The following SCAND3 variants were observed in gnomAD, a reference collection of about 807,000 sequenced individuals.
SCAND3 encodes SCAN domain containing 3.
At chr6:28,571,450 G>A in the SCAND3 span, 1 of 155,248 alleles carries the variant, frequency 6.4e-6, no homozygotes, top group African/African-American at 2.4e-5. Flanking sequence ...TAACCACTCT[G>A]GATCAGTTTA....
At chr6:28,575,985 A>G in the SCAND3 span, 9 of 1,613,616 alleles carry the variant, frequency 5.6e-6, no homozygotes, top group East Asian at 2.2e-5. This position sits in a 1 kb window ranked among gnomAD's most constrained non-coding sequence, Gnocchi z 4.2. Flanking sequence ...ATATCTTAGT[A>G]TTATTACTTT....
the SCAND3 span, chr6:28,587,512 G>A: frequency 1.3e-5 from 2 of 152,190 alleles, no homozygotes; most frequent in African/African-American, 4.8e-5. Flanking sequence ...GAGTAGTGCT[G>A]GAGTAGATGC....
the SCAND3 span, among the ~76,000 whole-genome samples, chr6:28,594,829 A>G: frequency 6.6e-6 from 1 of 152,124 alleles, no homozygotes; most frequent in Admixed American, 6.6e-5. Context: ...CTAAAAAAAA[A>G]GTTGAACTCG....
the SCAND3 span, among the ~76,000 whole-genome samples, chr6:28,607,141 A>G: frequency 6.6e-6 from 1 of 152,216 alleles, no homozygotes; most frequent in Admixed American, 6.5e-5. Context: ...AATGCAAAGC[A>G]ACCTGTCTGT....
chr6:28,601,200 C>T, the SCAND3 span, among the ~76,000 whole-genome samples: 3 of 152,096 alleles, frequency 2.0e-5, no homozygotes, highest in Admixed American at 6.5e-5. Flanking sequence ...CCACGGCGCC[C>T]GGCCACATGT....
chr6:28,608,259 C>T, the SCAND3 span, among the ~76,000 whole-genome samples: 103 of 152,314 alleles, frequency 6.8e-4, 1 homozygote, highest in African/African-American at 2.3e-3. Context: ...TCGCCCTGAA[C>T]ATCTGCTTCT....
chr6:28,582,139 A>T, the SCAND3 span, among the ~76,000 whole-genome samples: 2 of 152,240 alleles, frequency 1.3e-5, no homozygotes, highest in African/African-American at 4.8e-5. This position sits in a 1 kb window ranked among gnomAD's most constrained non-coding sequence, Gnocchi z 4.8. Context: ...TAGAAGGGGA[A>T]ATTTTAAAGC....
the SCAND3 span, chr6:28,570,794 T>C: frequency 6.6e-6 from 1 of 152,242 alleles, no homozygotes; most frequent in Non-Finnish European, 1.5e-5. Flanking sequence ...TTTATCGGAC[T>C]AATTTGCTTT....
At chr6:28,610,838 T>C in the SCAND3 span, among the ~76,000 whole-genome samples, 1 of 152,186 alleles carries the variant, frequency 6.6e-6, no homozygotes, top group Non-Finnish European at 1.5e-5. Context: ...CTTGCTTTTT[T>C]TGGGACAAAA....
chr6:28,580,688 G>A, the SCAND3 span, among the ~76,000 whole-genome samples: 1 of 152,160 alleles, frequency 6.6e-6, no homozygotes, highest in Non-Finnish European at 1.5e-5. Flanking sequence ...ATTAAACAAT[G>A]TATCAATTCT....
chr6:28,605,362 T>G, the SCAND3 span, among the ~76,000 whole-genome samples: 1 of 152,256 alleles, frequency 6.6e-6, no homozygotes, highest in African/African-American at 2.4e-5. Flanking sequence ...TCACAAAAAG[T>G]GTACTATCCA....
At chr6:28,610,039 C>T in the SCAND3 span, among the ~76,000 whole-genome samples, 1 of 151,742 alleles carries the variant, frequency 6.6e-6, no homozygotes. Context: ...AGCCTAGCAA[C>T]AGGGTGCAAC....
the SCAND3 span, among the ~76,000 whole-genome samples, chr6:28,603,385 A>G: frequency 2.0e-5 from 3 of 152,082 alleles, no homozygotes; most frequent in African/African-American, 7.2e-5. Flanking sequence ...TGTTTCCTGG[A>G]TTTTATCATG....
At chr6:28,581,282 G>C in the SCAND3 span, among the ~76,000 whole-genome samples, 1 of 152,128 alleles carries the variant, frequency 6.6e-6, no homozygotes, top group Non-Finnish European at 1.5e-5. Flanking sequence ...AGGTTGCAGT[G>C]AGCCAAGATC....
At chr6:28,577,120 A>G in the SCAND3 span, among the ~76,000 whole-genome samples, 1 of 152,204 alleles carries the variant, frequency 6.6e-6, no homozygotes, top group Admixed American at 6.5e-5. Context: ...AATTTTAATA[A>G]GAGTACTGGA....
At chr6:28,607,388 G>T in the SCAND3 span, among the ~76,000 whole-genome samples, 1 of 152,132 alleles carries the variant, frequency 6.6e-6, no homozygotes, top group Non-Finnish European at 1.5e-5. Flanking sequence ...GCCACACCAG[G>T]AAGGTCTTGA....
chr6:28,594,627 C>A, the SCAND3 span, among the ~76,000 whole-genome samples: 17 of 152,296 alleles, frequency 1.1e-4, 1 homozygote, highest in Middle Eastern at 3.4e-3. Context: ...TGCACTCCAG[C>A]CTGGGTGACA....
chr6:28,610,307 A>T, the SCAND3 span, among the ~76,000 whole-genome samples: 6 of 152,182 alleles, frequency 3.9e-5, no homozygotes, highest in Non-Finnish European at 7.3e-5. Flanking sequence ...GGATCACCTG[A>T]GGTCAGGAGT....
At chr6:28,608,532 C>T in the SCAND3 span, among the ~76,000 whole-genome samples, 1 of 152,208 alleles carries the variant, frequency 6.6e-6, no homozygotes, top group Non-Finnish European at 1.5e-5. Context: ...GACACCTACA[C>T]ATGTTAATCA....
Sources: gnomAD v4.1 joint callset for allele counts (sites outside exome capture counted in the v4.1 genomes callset) on GRCh38, gnomAD v4.1.1 for gene constraint, Gnocchi (gnomAD v3.1) non-coding constraint, MANE v1.5 for transcripts, NCBI Gene and HGNC (gene_info 2026-07-23, HGNC 2026-07-21) for gene names.